The following FAR1 variants were observed in gnomAD, a reference collection of about 807,000 sequenced individuals.
FAR1 encodes the protein fatty acyl-CoA reductase 1, also known as male sterility domain-containing protein 2.
Under a neutral mutation model 61.1 loss-of-function variants are expected in FAR1, and 22 were observed. That is an observed-to-expected ratio of 0.36 (90% confidence interval 0.26 to 0.51). The LOEUF is 0.51. FAR1 is among the 20% of genes least tolerant of loss of function. The pLI, the probability that FAR1 is intolerant of heterozygous loss-of-function variation, is 0.95. For missense variants in FAR1, 359 were observed against 626.9 expected, an observed-to-expected ratio of 0.57 and a Z score of 4.56; for synonymous variants, 206 against 209.7, an observed-to-expected ratio of 0.98 and a Z score of 0.15.
chr11:13,672,537 C>A (rs1848018238), intron 1 of FAR1, among the ~76,000 whole-genome samples: 2 of 141,742 alleles, frequency 1.4e-5, no homozygotes, highest in South Asian at 2.4e-4. Flanking sequence ...AAAGTGAGAC[C>A]CTGTCTCAAA....
chr11:13,708,447 G>GCTTACACACA (rs139902063), intron 4 of FAR1, among the ~76,000 whole-genome samples: 1 of 136,700 alleles, frequency 7.3e-6, no homozygotes, highest in Admixed American at 7.2e-5. Context: ...GCGCGCGCGC[G>GCTTACACACA]CACACACACA....
rs1185065422 is a variant in FAR1 at position 13,721,123 on chromosome 11, G to A, written c.1128-607G>A. 1 of 152,200 alleles carries A rather than the reference G, an allele frequency of 6.6e-6. No individual in the cohort carries two copies. The highest frequency in any genetic ancestry group is 1.9e-4 in the East Asian group (1 of 5,194). 9.4% of individuals were successfully genotyped at this position (152,200 alleles called of 1,614,324 possible). A position where few individuals can be genotyped will look rare whatever the true frequency, so the allele number is the denominator to read the frequency against. On this transcript the variant is annotated intron_variant, in intron 9 of 11. Coordinates refer to ENST00000354817, the MANE Select transcript of FAR1 (RefSeq NM_032228.6). The surrounding 1 kb of genome is among the most constrained non-coding windows in gnomAD (Gnocchi z 4.2). ...GGTGAGTGGATATCTATTTCAGATA[G>A]TTTTCAGCATGAGTCATTGATTTCA...
chr11:13,722,001 AATTGTT>A, intron 10 of FAR1, 142 bp downstream of exon 10: 7 of 629,926 alleles, frequency 1.1e-5, no homozygotes, highest in Non-Finnish European at 1.7e-5. Flanking sequence ...CTTTAGTCAT[AATTGTT>A]AGTGGTGAAA....
chr11:13,681,364 CTG>C (rs1312661314), intron 1 of FAR1, among the ~76,000 whole-genome samples: 1 of 152,186 alleles, frequency 6.6e-6, no homozygotes, highest in African/African-American at 2.4e-5. Flanking sequence ...TTGTGACAGA[CTG>C]TATTTTCTAA....
At chr11:13,701,661 C>T (rs1057500805) in intron 3 of FAR1, among the ~76,000 whole-genome samples, 4 of 152,076 alleles carry the variant, frequency 2.6e-5, no homozygotes, top group Non-Finnish European at 5.9e-5. Context: ...GGTGACAGTT[C>T]AGTGCCAAAG....
intron 10 of FAR1, among the ~76,000 whole-genome samples, chr11:13,726,277 T>G (rs1044312411): frequency 6.6e-6 from 1 of 152,040 alleles, no homozygotes; most frequent in African/African-American, 2.4e-5. Context: ...CTTTTATTGC[T>G]CTTTATTTCT....
intron 4 of FAR1, among the ~76,000 whole-genome samples, chr11:13,709,212 T>A (rs369909082): frequency 1.3e-5 from 2 of 152,176 alleles, no homozygotes; most frequent in East Asian, 3.8e-4. Flanking sequence ...CAGTCTTTTC[T>A]TTAAGGCTTT....
intron 9 of FAR1, among the ~76,000 whole-genome samples, chr11:13,715,279 A>T (rs890120426): frequency 6.6e-6 from 1 of 152,202 alleles, no homozygotes; most frequent in Non-Finnish European, 1.5e-5. Context: ...GAATGCTAGG[A>T]CATTTCTTAG....
At chr11:13,682,453 A>G (rs896152829) in intron 1 of FAR1, among the ~76,000 whole-genome samples, 6 of 152,064 alleles carry the variant, frequency 3.9e-5, no homozygotes, top group East Asian at 1.9e-4. Context: ...TTTATTATCC[A>G]TGGCTGCTTT....
In FAR1 at chr11:13,694,700, A is replaced by G. The variant is rs1371770343; in HGVS notation, c.-7-59A>G. 48 of 1,361,470 alleles carry G rather than the reference A, an allele frequency of 3.5e-5. No individual in the cohort carries two copies. In the Admixed American group the frequency reaches 1.1e-3, roughly 31 times the overall value. 84.3% of individuals were successfully genotyped at this position (1,361,470 alleles called of 1,614,324 possible). A position where few individuals can be genotyped will look rare whatever the true frequency, so the allele number is the denominator to read the frequency against. Reference sequence around the variant, plus strand: ...CTTATTTGAATACCAAGAGATTTTTAGTATGAAAGAATGATGGTGAATCCT... The same window carrying G: ...CTTATTTGAATACCAAGAGATTTTTGGTATGAAAGAATGATGGTGAATCCT... On this transcript the variant is annotated intron_variant, in intron 1 of 11. Transcript: ENST00000354817.
At chr11:13,723,145 G>A (rs1848629819) in intron 10 of FAR1, among the ~76,000 whole-genome samples, 1 of 151,518 alleles carries the variant, frequency 6.6e-6, no homozygotes, top group Admixed American at 6.6e-5. Flanking sequence ...TGGAAGAATG[G>A]CTCGAGGCCA....
intron 9 of FAR1, among the ~76,000 whole-genome samples, chr11:13,719,327 G>A (rs1452353967): frequency 6.6e-6 from 1 of 152,082 alleles, no homozygotes; most frequent in Non-Finnish European, 1.5e-5. Context: ...GGAATATAAA[G>A]GTTTTTTTAC....
chr11:13,709,599 T>C (rs553072423), intron 4 of FAR1, among the ~76,000 whole-genome samples: 6 of 152,228 alleles, frequency 3.9e-5, no homozygotes, highest in Admixed American at 6.5e-5. Flanking sequence ...TAGCTAAAGT[T>C]TCTCCTGAGT....
At chr11:13,673,885 G>C (rs1848036724) in intron 1 of FAR1, among the ~76,000 whole-genome samples, 1 of 152,000 alleles carries the variant, frequency 6.6e-6, no homozygotes, top group African/African-American at 2.4e-5. Context: ...TTTCTTCCCA[G>C]CCTTCCCCAT....
intron 11 of FAR1, 139 bp from the exon 12 acceptor site, chr11:13,728,473 G>A: frequency 1.4e-6 from 1 of 724,044 alleles, no homozygotes; most frequent in Non-Finnish European, 2.3e-6. Context: ...TTTACCTACA[G>A]TATACTTAAT....
intron 1 of FAR1, among the ~76,000 whole-genome samples, chr11:13,691,577 C>T (rs989523408): frequency 1.4e-4 from 21 of 152,182 alleles, no homozygotes; most frequent in Admixed American, 1.1e-3. Flanking sequence ...CATTCTGTCT[C>T]TGTATATGTA....
intron 1 of FAR1, among the ~76,000 whole-genome samples, chr11:13,694,298 T>C (rs1317779432): frequency 6.6e-6 from 1 of 152,180 alleles, no homozygotes; most frequent in Non-Finnish European, 1.5e-5. Context: ...TCAATTGGTG[T>C]TGATACGCGA....
intron 9 of FAR1, among the ~76,000 whole-genome samples, chr11:13,718,832 A>G (rs886196077): frequency 3.3e-5 from 5 of 151,918 alleles, no homozygotes; most frequent in African/African-American, 1.2e-4. Context: ...TAAAGGGGGG[A>G]AGGGGACAGA....
At chr11:13,677,619 A>C (rs1266221661) in intron 1 of FAR1, among the ~76,000 whole-genome samples, 1 of 152,208 alleles carries the variant, frequency 6.6e-6, no homozygotes, top group African/African-American at 2.4e-5. Flanking sequence ...GTTCATGTGG[A>C]AAGGCTGGCT....
Sources: gnomAD v4.1 joint callset for allele counts (sites outside exome capture counted in the v4.1 genomes callset) on GRCh38, gnomAD v4.1.1 for gene constraint, Gnocchi (gnomAD v3.1) non-coding constraint, MANE v1.5 for transcripts, NCBI Gene and HGNC (gene_info 2026-07-23, HGNC 2026-07-21) for gene names.